MICALL1: variants seen among roughly 807,000 people sequenced by gnomAD.
MICALL1 encodes MICAL-like protein 1.
MICALL1 carries 61 observed loss-of-function variants against 83.7 expected under a neutral mutation model. The observed-to-expected ratio is 0.73, with a 90% CI of 0.59 to 0.90. MICALL1 has a LOEUF of 0.90. Ranked by LOEUF, MICALL1 falls within the 40% of genes least tolerant of loss-of-function variation. The pLI is 0.00. For synonymous variants in MICALL1, 481 were observed against 473.6 expected (o/e 1.02, Z -0.20); for missense variants, 1,066 against 1,152.0 (o/e 0.93, Z 1.08).
At chr22:37,933,423 T>C (rs1178530411) in intron 13 of MICALL1, among the ~76,000 whole-genome samples, 1 of 152,090 alleles carries the variant, frequency 6.6e-6, no homozygotes, top group East Asian at 1.9e-4. Flanking sequence ...CCCAGCCTGT[T>C]TTGTGCGTGG....
At chr22:37,935,330 G>A (rs1349271428) in intron 13 of MICALL1, among the ~76,000 whole-genome samples, 1 of 151,046 alleles carries the variant, frequency 6.6e-6, no homozygotes, top group Non-Finnish European at 1.5e-5. Context: ...GCACGATCTT[G>A]GCTTACTGCA....
In MICALL1 at chr22:37,909,638, G is replaced by A. The variant is rs930352563; in HGVS notation, c.147-2314G>A. On this transcript the variant is annotated intron_variant, in intron 1 of 15. Transcript: ENST00000215957. ...CTCCCAAAGTGCTGGGATTATAGGT[G>A]TGAGCCACCGCGCCTGGCCAACCAC... is the stretch of plus-strand genomic sequence containing the variant. 3.2e-4 allele frequency among the ~76,000 whole-genome samples: 48 copies of A among 152,332 alleles called. 1 individual carries two copies. The East Asian group carries it at 8.5e-3, about 27-fold the overall frequency.
chr22:37,940,076 C>T (rs1424570394), intron 15 of MICALL1, among the ~76,000 whole-genome samples: 1 of 149,788 alleles, frequency 6.7e-6, no homozygotes, highest in African/African-American at 2.5e-5. Context: ...GCGACAGAGA[C>T]TCTGTCTCAA....
Position 37,940,763 on chromosome 22 carries a change from T to C in MICALL1, c.2525T>C (p.Met842Thr), listed in dbSNP as rs747841613. The C allele has an allele frequency of 2.5e-6, 4 of 1,613,896 alleles. No homozygotes were observed. The highest frequency in any genetic ancestry group is 3.4e-6 in the Non-Finnish European group (4 of 1,179,874). The change falls in exon 16 of 16, where the codon ATG becomes ACG. Residue 842 changes from methionine (M) to threonine (T), a missense_variant. Physicochemically the swap from Met to Thr is moderately conservative, Grantham distance 81. Transcript: ENST00000215957. ...EGKKKGKFKTMKMLKLLGNKR... is the reference protein window; with the variant it reads ...EGKKKGKFKTTKMLKLLGNKR... ...AAGAAGAAGGGGAAGTTCAAGACCA[T>C]GAAGATGTTGAAACTGCTAGGAAAC...
chr22:37,925,952 G>A lies in MICALL1; in HGVS notation c.1374G>A (p.Lys458=), dbSNP rs1339343564. 5 of 1,613,696 alleles carry A rather than the reference G, an allele frequency of 3.1e-6. No homozygotes were observed. Among genetic ancestry groups the A allele is most frequent in the Non-Finnish European group, 3.4e-6 (4 of 1,179,916 alleles). ...PALGHPESTP[K]SLHPWYGITP... is the part of the protein sequence containing the mutation. Reference sequence around the variant, plus strand: ...TGGGCCACCCGGAGTCCACACCCAAGTCCCTGCACCCCTGGTACGGCATCA... The same window carrying A: ...TGGGCCACCCGGAGTCCACACCCAAATCCCTGCACCCCTGGTACGGCATCA... Residue 458 remains lysine (K), a synonymous_variant, in exon 8 of 16, where the codon AAG becomes AAA. Transcript: ENST00000215957.
Position 37,932,449 on chromosome 22 carries a change from G to T in MICALL1, c.2017-104G>T, listed in dbSNP as rs889232514. 1 of 1,534,698 alleles carries T rather than the reference G, an allele frequency of 6.5e-7. No individual in the cohort carries two copies. ...TTACCATGCTGGGGTGGGGGACAGG[G>T]CCCGGGCCCTGGAGCCACCAGTGGC... is the stretch of plus-strand genomic sequence containing the variant. On this transcript the variant is annotated intron_variant, in intron 10 of 15. Transcript: ENST00000215957. The surrounding 1 kb of genome is among the most constrained non-coding windows in gnomAD (Gnocchi z 4.4).
chr22:37,919,266 A>T, intron 5 of MICALL1, 88 bp downstream of exon 5: 1 of 1,374,790 alleles, frequency 7.3e-7, no homozygotes, highest in African/African-American at 1.5e-5. Context: ...GCACCTTGCC[A>T]GGCCCTTCAC....
At chr22:37,922,579 A>T (rs1300855628) in intron 6 of MICALL1, among the ~76,000 whole-genome samples, 153 bp downstream of exon 6, 4 of 57,288 alleles carry the variant, frequency 7.0e-5, no homozygotes, top group Admixed American at 2.1e-4. Flanking sequence ...TGAGGTTATT[A>T]TATATATATA....
rs767461557 is a variant in MICALL1, at chr22:37,927,430, C to G, written c.1485C>G (p.Leu495=). 1 of 1,590,436 alleles carries G rather than the reference C, an allele frequency of 6.3e-7. No homozygotes were observed. Among genetic ancestry groups the G allele is most frequent in the Non-Finnish European group, 8.6e-7 (1 of 1,167,042 alleles). Residue 495 remains leucine (L), a synonymous_variant, in exon 9 of 16, where the codon CTC becomes CTG. Coordinates refer to ENST00000215957, the MANE Select transcript of MICALL1 (RefSeq NM_033386.4). ...ASPLALHASR[L]SHSEPPSATP... ...GCACAGCTCTCCACGCCTCCCGCCT[C>G]TCGCACTCGGAGCCGCCCTCGGCCA...
At chr22:37,929,478 G>A (rs1004661515) in intron 9 of MICALL1, among the ~76,000 whole-genome samples, 1 of 152,222 alleles carries the variant, frequency 6.6e-6, no homozygotes, top group Admixed American at 6.5e-5. Context: ...GCTTTCTTGG[G>A]TGCTTCTGTT....
Position 37,927,587 on chromosome 22 carries a change from C to A in MICALL1, c.1642C>A (p.Pro548Thr), listed in dbSNP as rs1929539587. ...GCCTGCTGTCCATGCCCCTGGTACC[C>A]CTGGAAACCCTGTCAGCCTCTCTAC... is the stretch of plus-strand genomic sequence containing the variant. ...SEPAVHAPGT[P>T]GNPVSLSTNS... Residue 548 changes from proline to threonine, a missense_variant, in exon 9 of 16, where the codon CCT becomes ACT. Transcript: ENST00000215957. The A allele has an allele frequency of 6.2e-7, 1 of 1,613,340 alleles. No individual in the cohort carries two copies. Among genetic ancestry groups the A allele is most frequent in the African/African-American group, 1.3e-5 (1 of 74,920 alleles).
intron 9 of MICALL1, among the ~76,000 whole-genome samples, chr22:37,929,912 C>A (rs1285284284): frequency 6.6e-6 from 1 of 152,226 alleles, no homozygotes; most frequent in Admixed American, 6.5e-5. Context: ...CTGGTCCCGG[C>A]AAGAGCCTCT....
Position 37,937,925 on chromosome 22 carries a change from G to T in MICALL1, c.2470+133G>T, listed in dbSNP as rs1601838770. 12 of 1,108,342 alleles carry T rather than the reference G, an allele frequency of 1.1e-5. No homozygotes were observed. In the East Asian group the frequency reaches 2.8e-4, roughly 26 times the overall value. 68.7% of individuals were successfully genotyped at this position (1,108,342 alleles called of 1,614,324 possible). On this transcript the variant is annotated intron_variant, in intron 15 of 15. Transcript: ENST00000215957. ...GCTGTGCACAAACTCCGCAGCCTCT[G>T]TTGTGCAGAGAGGGCTGTGTGTAGC...
rs369835444 is a variant in MICALL1 at position 37,917,829 on chromosome 22, G to A, written c.426+34G>A. 12 of 1,585,960 alleles carry A rather than the reference G, an allele frequency of 7.6e-6. No homozygotes were observed. The African/African-American group carries it at 1.1e-4, about 14-fold the overall frequency. On this transcript the variant is annotated intron_variant, in intron 4 of 15. Transcript: ENST00000215957. ...ATACCTGGAGAGGTGGGAGGGCCAG[G>A]GGTGGAGGGGGCGAGTTATGTGGAC... is the stretch of plus-strand genomic sequence containing the variant.
chr22:37,937,778 T>C lies in MICALL1; in HGVS notation c.2456T>C (p.Met819Thr), dbSNP rs758721948. The C allele has an allele frequency of 2.5e-6, 4 of 1,613,574 alleles. No homozygotes were observed. Among genetic ancestry groups the C allele is most frequent in the South Asian group, 1.1e-5 (1 of 91,058 alleles). The change falls in exon 15 of 16, where the codon ATG becomes ACG. Residue 819 changes from methionine to threonine, a missense_variant. By Grantham distance (81) the Met-to-Thr change is moderately conservative. Coordinates refer to ENST00000215957, the MANE Select transcript of MICALL1 (RefSeq NM_033386.4). The stretch of plus-strand genomic sequence containing the variant: ...GAGGAAGACAAGATGTTGGAAGCCA[T>C]GATCAAGAAGAAAGGTGAGGCCCTT... ...EEEEDKMLEA[M>T]IKKKEFQREA...
rs746234672 is a variant in MICALL1, at chr22:37,919,037, G to A, written c.428G>A (p.Gly143Asp). ...CCTCCCCCACCTCGTTCTCTGCAGGGCGAGGAGCTCTCCTCAGGCAGCCTG... is the reference window on the plus strand; with the variant it reads ...CCTCCCCCACCTCGTTCTCTGCAGGACGAGGAGCTCTCCTCAGGCAGCCTG... ...TPVEPEDVAQ[G>D]EELSSGSLSE... is the part of the protein sequence containing the mutation. The change falls in exon 5 of 16, where the codon GGC (glycine) becomes GAC (aspartate). Residue 143 changes from glycine to aspartate, a missense_variant and splice_region_variant. Gly to Asp is a moderately conservative substitution (Grantham distance 94). Coordinates refer to ENST00000215957, the MANE Select transcript of MICALL1 (RefSeq NM_033386.4). 12 of 1,549,488 alleles carry A rather than the reference G, an allele frequency of 7.7e-6. No homozygotes were observed. The highest frequency in any genetic ancestry group is 9.6e-6 in the Non-Finnish European group (11 of 1,145,916).
At chr22:37,921,252 C>G (rs868718591) in intron 5 of MICALL1, among the ~76,000 whole-genome samples, 1 of 152,108 alleles carries the variant, frequency 6.6e-6, no homozygotes, top group Non-Finnish European at 1.5e-5. Flanking sequence ...CTGTCTTATA[C>G]ATTGTATCTT....
chr22:37,919,737 C>G (rs1048774978), intron 5 of MICALL1, among the ~76,000 whole-genome samples: 5 of 151,762 alleles, frequency 3.3e-5, no homozygotes, highest in African/African-American at 1.2e-4. Flanking sequence ...CCTGTAATCC[C>G]AGCACTTTGG....
chr22:37,908,734 T>C (rs1200733799), intron 1 of MICALL1, among the ~76,000 whole-genome samples: 1 of 152,132 alleles, frequency 6.6e-6, no homozygotes, highest in East Asian at 1.9e-4. Flanking sequence ...CCCACACCTG[T>C]AGGGGAAACG....
Sources: allele counts gnomAD v4.1 joint callset (sites outside exome capture counted in the v4.1 genomes callset), GRCh38; gene constraint gnomAD v4.1.1; non-coding constraint Gnocchi (gnomAD v3.1); transcripts MANE v1.5; gene names NCBI Gene and HGNC (gene_info 2026-07-23, HGNC 2026-07-21).